The following IL6ST variants were observed in gnomAD, a reference collection of about 807,000 sequenced individuals.
IL6ST encodes the protein interleukin-6 receptor subunit beta.
In IL6ST, 24 loss-of-function variants were observed where a neutral mutation model predicts 91.3. The ratio of observed to expected loss-of-function variants is 0.26; its 90% CI spans 0.19 to 0.37. The LOEUF is 0.37. IL6ST is among the 10% of genes least tolerant of loss of function. The pLI, the probability that IL6ST is intolerant of heterozygous loss-of-function variation, is 1.00. For missense variants in IL6ST, 914 were observed against 1,078.5 expected (o/e 0.85, Z 2.14); for synonymous variants, 351 against 373.6 (o/e 0.94, Z 0.70).
chr5:55,956,349 G>A, intron 9 of IL6ST, 114 bp from the exon 10 acceptor site: 1 of 637,988 alleles, frequency 1.6e-6, no homozygotes, highest in South Asian at 2.1e-5. Context: ...ATATTTAACT[G>A]GAAAGGATTC....
chr5:55,954,282 T>C (rs1426907532), intron 11 of IL6ST, among the ~76,000 whole-genome samples: 1 of 152,212 alleles, frequency 6.6e-6, no homozygotes. Flanking sequence ...TTCAAAGTTG[T>C]TGTATCACTT....
At chr5:55,972,657 G>A (rs960217651) in intron 3 of IL6ST, among the ~76,000 whole-genome samples, 3 of 152,168 alleles carry the variant, frequency 2.0e-5, no homozygotes, top group Admixed American at 6.5e-5. Context: ...AAAGGTATCT[G>A]ATAAAGTTAT....
intron 1 of IL6ST, among the ~76,000 whole-genome samples, chr5:55,984,533 A>G (rs1356000144): frequency 2.0e-5 from 3 of 152,198 alleles, no homozygotes; most frequent in Admixed American, 1.3e-4. Flanking sequence ...CTCAACGACG[A>G]TGGCTACCAC....
At chr5:55,944,747 T>G (rs1751136112) in intron 15 of IL6ST, 10 of 1,039,700 alleles carry the variant, frequency 9.6e-6, no homozygotes, top group African/African-American at 1.6e-5. Flanking sequence ...GCTAGCTTGT[T>G]GCACCGTGGA....
rs780630210 is a variant in IL6ST at position 55,941,732 on chromosome 5, G to A, written c.2107C>T (p.Pro703Ser). 2 of 1,613,974 alleles carry A rather than the reference G, an allele frequency of 1.2e-6. No individual in the cohort carries two copies. Among genetic ancestry groups the A allele is most frequent in the South Asian group, 2.2e-5 (2 of 91,074 alleles). Residue 703 changes from proline (P) to serine (S), a missense_variant, in exon 17 of 17, where the codon CCT becomes TCT. Pro to Ser is a moderately conservative substitution (Grantham distance 74). Transcript: ENST00000381298. Reference sequence around the variant, plus strand: ...AATGATTTCAGATCTTCTGGAAAAGGCTTTTTGTCATTTGCTTCTATTTCC... The same window carrying A: ...AATGATTTCAGATCTTCTGGAAAAGACTTTTTGTCATTTGCTTCTATTTCC... ...VVEIEANDKK[P>S]FPEDLKSLDL...
chr5:55,976,418 G>C (rs555922388), intron 2 of IL6ST, 125 bp from the exon 3 acceptor site: 1 of 457,172 alleles, frequency 2.2e-6, no homozygotes, highest in African/African-American at 2.0e-5. Context: ...TTATGAGAAT[G>C]TAGAAAACTT....
chr5:55,962,534 T>C (rs995884709), intron 7 of IL6ST, among the ~76,000 whole-genome samples: 1 of 152,206 alleles, frequency 6.6e-6, no homozygotes, highest in African/African-American at 2.4e-5. Context: ...TGGCAAACTT[T>C]CTATAAAAAG....
At chr5:55,978,231 G>C (rs991195225) in intron 2 of IL6ST, 1 of 152,172 alleles carries the variant, frequency 6.6e-6, no homozygotes, top group African/African-American at 2.4e-5. Flanking sequence ...AACTGTCACA[G>C]GGCATTGTGA....
Position 55,951,962 on chromosome 5 carries a change from T to C in IL6ST, c.1666A>G (p.Ile556Val), listed in dbSNP as rs1241518241. The C allele has an allele frequency of 2.7e-6, 4 of 1,496,166 alleles. No homozygotes were observed. The highest frequency in any genetic ancestry group is 3.4e-5 in the Admixed American group (2 of 59,220). 92.7% of individuals were successfully genotyped at this position (1,496,166 alleles called of 1,614,324 possible). A position where few individuals can be genotyped will look rare whatever the true frequency, so the allele number is the denominator to read the frequency against. ...TTTCCAATGATGGTTCTATAAAATA[T>C]AGTATAATTTCTGATAAATCCATTC... ...VQNGFIRNYT[I>V]FYRTIIGNET... is the part of the protein sequence containing the mutation. The change falls in exon 13 of 17, where the codon ATA becomes GTA. Residue 556 changes from isoleucine (I) to valine (V), a missense_variant. Transcript: ENST00000381298.
At position 55,940,791 on chromosome 5, in the gene IL6ST, T is replaced by C. The variant is rs1182229581; in HGVS notation, c.*291A>G. ...TTTTCTATGTAGCAAAACAAAAAGT[T>C]TTATAAATTTCAGATAAGCTTTCTG... On this transcript the variant is annotated 3_prime_UTR_variant, in exon 17 of 17. Coordinates refer to ENST00000381298, the MANE Select transcript of IL6ST (RefSeq NM_002184.4). 2.9e-6 allele frequency: 1 copy of C among 350,590 alleles called. No homozygotes were observed. Among genetic ancestry groups the C allele is most frequent in the Non-Finnish European group, 5.2e-6 (1 of 193,104 alleles). 21.7% of individuals were successfully genotyped at this position (350,590 alleles called of 1,614,324 possible).
intron 5 of IL6ST, among the ~76,000 whole-genome samples, chr5:55,965,029 C>T (rs1027820571): frequency 6.6e-6 from 1 of 152,014 alleles, no homozygotes; most frequent in African/African-American, 2.4e-5. Flanking sequence ...ATAGATTTGA[C>T]TTTTTGGATT....
At chr5:55,993,157 CT>C (rs756210710) in intron 1 of IL6ST, among the ~76,000 whole-genome samples, 11 of 152,338 alleles carry the variant, frequency 7.2e-5, no homozygotes, top group Non-Finnish European at 1.2e-4. Context: ...AAATGAGCAG[CT>C]CTGAAAGGAG....
At chr5:55,960,765 G>T (rs1015447828) in intron 7 of IL6ST, among the ~76,000 whole-genome samples, 2 of 149,908 alleles carry the variant, frequency 1.3e-5, no homozygotes, top group African/African-American at 4.9e-5. Context: ...GAGTGGCTGG[G>T]ATTACAGGTG....
intron 14 of IL6ST, among the ~76,000 whole-genome samples, chr5:55,949,319 GT>G (rs1255861791): frequency 1.3e-5 from 2 of 152,042 alleles, no homozygotes; most frequent in African/African-American, 4.8e-5. Context: ...CAAAAAAATT[GT>G]TTTAACTAGC....
chr5:55,966,477 C>T (rs1752636860), intron 5 of IL6ST, among the ~76,000 whole-genome samples: 1 of 152,120 alleles, frequency 6.6e-6, no homozygotes, highest in African/African-American at 2.4e-5. Flanking sequence ...CTGAATGATA[C>T]ACTAAGATTT....
chr5:55,986,048 T>C (rs529197637), intron 1 of IL6ST, among the ~76,000 whole-genome samples: 14 of 152,256 alleles, frequency 9.2e-5, no homozygotes, highest in Non-Finnish European at 2.1e-4. Flanking sequence ...TTTAGCCTTA[T>C]AAATCTTGAA....
chr5:55,990,043 A>G (rs1754222575), intron 1 of IL6ST, among the ~76,000 whole-genome samples: 1 of 152,232 alleles, frequency 6.6e-6, no homozygotes, highest in Non-Finnish European at 1.5e-5. Flanking sequence ...CAAAGGGTGA[A>G]GCTGATTGCT....
intron 1 of IL6ST, among the ~76,000 whole-genome samples, chr5:55,988,360 A>G (rs1231191578): frequency 5.3e-5 from 8 of 152,248 alleles, no homozygotes; most frequent in Admixed American, 5.2e-4. Context: ...TGAGAATCAC[A>G]TGACAAACTA....
Position 55,938,421 on chromosome 5 carries a change from G to C in IL6ST, c.*2661C>G, listed in dbSNP as rs1750671231. Reference sequence around the variant, plus strand: ...TCAGTATTATCCCTTTCAGAGATGAGGGTAGGATACCACAGACATCAGTAA... The same window carrying C: ...TCAGTATTATCCCTTTCAGAGATGACGGTAGGATACCACAGACATCAGTAA... On this transcript the variant is annotated 3_prime_UTR_variant, in exon 17 of 17. Coordinates refer to ENST00000381298, the MANE Select transcript of IL6ST (RefSeq NM_002184.4). The C allele has an allele frequency of 5.2e-6, 1 of 191,946 alleles. No homozygotes were observed. Among genetic ancestry groups the C allele is most frequent in the Non-Finnish European group, 1.1e-5 (1 of 91,836 alleles). The allele number at this position is 191,946 out of a possible 1,614,324, so 11.9% of individuals were successfully genotyped here. A position where few individuals can be genotyped will look rare whatever the true frequency, so the allele number is the denominator to read the frequency against.
Sources: gnomAD v4.1 joint callset for allele counts (sites outside exome capture counted in the v4.1 genomes callset) on GRCh38, gnomAD v4.1.1 for gene constraint, MANE v1.5 for transcripts, NCBI Gene and HGNC (gene_info 2026-07-23, HGNC 2026-07-21) for gene names.